Variants in ARSG observed in about 807,000 individuals in gnomAD.
ARSG encodes the protein ASG.
ARSG carries 37 observed loss-of-function variants against 50.5 expected under a neutral mutation model. The ratio of observed to expected loss-of-function variants is 0.73; its 90% CI spans 0.56 to 0.96. The LOEUF (loss-of-function observed/expected upper bound fraction) is 0.96, where lower values mean the gene tolerates loss of function less well. Ranked by LOEUF, ARSG falls within the 50% of genes least tolerant of loss-of-function variation. The probability of loss-of-function intolerance (pLI) is 0.00; values close to 1 mark genes in which losing one functional copy is unlikely to be tolerated. For synonymous variants in ARSG, 225 were observed against 254.6 expected (o/e 0.88, Z 1.11); for missense variants, 629 against 675.3 (o/e 0.93, Z 0.76).
chr17:68,379,384 G>A (rs898983888), intron 8 of ARSG, among the ~76,000 whole-genome samples: 3 of 149,806 alleles, frequency 2.0e-5, no homozygotes, highest in Non-Finnish European at 4.4e-5. Context: ...TAGTAGCTGG[G>A]ACTGCAGGTG....
At chr17:68,393,632 C>T (rs755161726) in intron 9 of ARSG, among the ~76,000 whole-genome samples, 5 of 151,944 alleles carry the variant, frequency 3.3e-5, no homozygotes, top group Non-Finnish European at 5.9e-5. Context: ...TTTGGGAGGC[C>T]GAGGCAGGTG....
chr17:68,435,838 C>G, the ARSG span: 5 of 824,684 alleles, frequency 6.1e-6, no homozygotes, highest in Admixed American at 8.8e-5. Context: ...TCCTCTGTCC[C>G]CCAGGCCATC....
intron 1 of ARSG, among the ~76,000 whole-genome samples, chr17:68,298,019 A>T (rs1265152935): frequency 1.6e-5 from 2 of 127,844 alleles, no homozygotes; most frequent in African/African-American, 5.9e-5. Flanking sequence ...CCAAAACTCC[A>T]TTTTTCAGGT....
At chr17:68,308,949 G>A (rs1260264725) in intron 2 of ARSG, among the ~76,000 whole-genome samples, 3 of 152,262 alleles carry the variant, frequency 2.0e-5, no homozygotes, top group Admixed American at 6.5e-5. Context: ...GGGACTGGGC[G>A]CTGTGGAGCA....
At chr17:68,308,324 C>T (rs1323961908) in intron 2 of ARSG, among the ~76,000 whole-genome samples, 2 of 152,104 alleles carry the variant, frequency 1.3e-5, no homozygotes, top group Admixed American at 6.5e-5. Flanking sequence ...GAGTTTGTTC[C>T]TTCTGATGTT....
chr17:68,420,570 GAGTTT>G lies in ARSG; in HGVS notation c.*113_*117del, dbSNP rs1390163908. 5 of 1,356,496 alleles carry G rather than the reference GAGTTT, an allele frequency of 3.7e-6. No homozygotes were observed. Among genetic ancestry groups the G allele is most frequent in the Admixed American group, 3.9e-5 (2 of 50,922 alleles). The allele number at this position is 1,356,496 out of a possible 1,614,324, so 84.0% of individuals were successfully genotyped here. On this transcript the variant is annotated 3_prime_UTR_variant, in exon 12 of 12. Transcript: ENST00000621439. ...AAACACACGCTTTAGTTTAGTCTTG[GAGTTT>G]AGTTTTGGAGTTAGCCTTGCATATC...
At chr17:68,411,970 T>G (rs925431158) in intron 11 of ARSG, among the ~76,000 whole-genome samples, 1 of 152,074 alleles carries the variant, frequency 6.6e-6, no homozygotes, top group East Asian at 1.9e-4. Context: ...TTCCATTTGC[T>G]TGGTAGATCT....
intron 11 of ARSG, among the ~76,000 whole-genome samples, 175 bp from the exon 12 acceptor site, chr17:68,420,014 C>CATT (rs1408018885): frequency 6.6e-6 from 1 of 152,086 alleles, no homozygotes; most frequent in Non-Finnish European, 1.5e-5. Flanking sequence ...AGGATCATCA[C>CATT]TGGAAGGAGC....
rs2076155859 is a variant in ARSG at position 68,295,002 on chromosome 17, A to G, written c.-552+3434A>G. On this transcript the variant is annotated intron_variant, in intron 1 of 11. Coordinates refer to ENST00000621439, the MANE Select transcript of ARSG (RefSeq NM_001267727.2). ...TACTACAGAGTTGTGTGCATGGCTT[A>G]GTACAGTTGCTAAGTTAACTGAATT... Among the ~76,000 whole-genome samples the G allele has an allele frequency of 1.3e-5, 2 of 152,198 alleles. 1 individual carries two copies. The highest frequency in any genetic ancestry group is 4.1e-4 in the South Asian group (2 of 4,834).
At chr17:68,450,901 G>A in the ARSG span, 1 of 1,610,766 alleles carries the variant, frequency 6.2e-7, no homozygotes, top group Non-Finnish European at 8.5e-7. Flanking sequence ...ATTTCATCTG[G>A]GAGGAAAAGC....
chr17:68,437,299 G>T, the ARSG span, among the ~76,000 whole-genome samples: 9 of 152,126 alleles, frequency 5.9e-5, no homozygotes, highest in South Asian at 1.7e-3. Flanking sequence ...CCACACCTGT[G>T]ATCCCAGCAC....
downstream of ARSG, among the ~76,000 whole-genome samples, chr17:68,423,191 T>G (rs1017025750): frequency 6.6e-6 from 1 of 152,200 alleles, no homozygotes; most frequent in Non-Finnish European, 1.5e-5. This position sits in a 1 kb window ranked among gnomAD's most constrained non-coding sequence, Gnocchi z 4.4. Flanking sequence ...AAGATGTGAA[T>G]TCTGCACAGA....
intron 2 of ARSG, among the ~76,000 whole-genome samples, chr17:68,334,861 C>T (rs1376154885): frequency 6.6e-6 from 1 of 152,160 alleles, no homozygotes; most frequent in Non-Finnish European, 1.5e-5. Context: ...AGCCCAGAAA[C>T]TGGCATGTAG....
chr17:68,371,972 A>T (rs945766195), intron 8 of ARSG, among the ~76,000 whole-genome samples: 1 of 152,194 alleles, frequency 6.6e-6, no homozygotes, highest in Non-Finnish European at 1.5e-5. Flanking sequence ...GGGTAACAAA[A>T]CATTAGCAAT....
intron 9 of ARSG, among the ~76,000 whole-genome samples, chr17:68,394,516 A>T (rs1011361207): frequency 6.6e-6 from 1 of 152,206 alleles, no homozygotes; most frequent in African/African-American, 2.4e-5. Context: ...ACATGCTTGT[A>T]GTCCCAGCTA....
At chr17:68,432,209 C>T in the ARSG span, among the ~76,000 whole-genome samples, 4 of 152,240 alleles carry the variant, frequency 2.6e-5, no homozygotes, top group Non-Finnish European at 4.4e-5. Context: ...TCATACACCA[C>T]TGGGGGTGGG....
chr17:68,426,254 G>GGGGGGGGGGCCCCCCCCCCC, downstream of ARSG: 1 of 816,920 alleles, frequency 1.2e-6, no homozygotes, highest in Admixed American at 2.3e-5. Context: ...GGGAGCGGGG[G>GGGGGGGGGGCCCCCCCCCCC]CTCAAATAAA....
At chr17:68,383,787 A>G (rs1021995425) in intron 8 of ARSG, among the ~76,000 whole-genome samples, 2 of 152,242 alleles carry the variant, frequency 1.3e-5, no homozygotes, top group African/African-American at 4.8e-5. Flanking sequence ...GGAAGGATGT[A>G]TTAGAGAAAT....
At chr17:68,426,039 G>C, downstream of ARSG, 1 of 1,581,464 alleles carries the variant, frequency 6.3e-7, no homozygotes, top group Non-Finnish European at 8.7e-7. Flanking sequence ...TAAGCACACA[G>C]ACTGAGCCGC....
Sources: allele counts gnomAD v4.1 joint callset (sites outside exome capture counted in the v4.1 genomes callset), GRCh38; gene constraint gnomAD v4.1.1; non-coding constraint Gnocchi (gnomAD v3.1); transcripts MANE v1.5; gene names NCBI Gene and HGNC (gene_info 2026-07-23, HGNC 2026-07-21).